The following FRAS1 variants were observed in gnomAD, a reference collection of about 807,000 sequenced individuals.
FRAS1 encodes the protein Fraser extracellular matrix complex subunit 1, also known as extracellular matrix organizing protein FRAS1.
FRAS1 carries 290 observed loss-of-function variants against 435.2 expected under a neutral mutation model. That is an observed-to-expected ratio of 0.67 (90% CI 0.61 to 0.73). The LOEUF is 0.73. Among genes scored for constraint, FRAS1 ranks in the 30% least tolerant of loss-of-function variants. The pLI is 0.00. For synonymous variants in FRAS1, 1,800 were observed against 1,851.0 expected, an observed-to-expected ratio of 0.97 and a Z score of 0.71; for missense variants, 4,860 against 5,001.5, an observed-to-expected ratio of 0.97 and a Z score of 0.85.
Position 78,540,664 on chromosome 4 carries a change from G to A in FRAS1, c.11579G>A (p.Gly3860Asp). Reference protein sequence around the residue: ...RNRRDLVEPDGQLILDDSLIY... With the variant: ...RNRRDLVEPDDQLILDDSLIY... ...CGAAGGGACCTGGTAGAGCCCGATGGCCAGCTGATCCTTGATGATTCCCTC... is the reference window on the plus strand; with the variant it reads ...CGAAGGGACCTGGTAGAGCCCGATGACCAGCTGATCCTTGATGATTCCCTC... The change falls in exon 74 of 74, where the codon GGC (glycine) becomes GAC (aspartate). Residue 3860 changes from glycine to aspartate, a missense_variant. Physicochemically the swap from Gly to Asp is moderately conservative, Grantham distance 94 (BLOSUM62 -1). Transcript: ENST00000512123. 9 of 1,612,652 alleles carry A rather than the reference G, an allele frequency of 5.6e-6. No individual in the cohort carries two copies. The highest frequency in any genetic ancestry group is 6.8e-6 in the Non-Finnish European group (8 of 1,179,118).
rs1038906030 is a variant in FRAS1 at position 78,223,740 on chromosome 4, A to G, written c.109-13770A>G. Among the ~76,000 whole-genome samples the G allele has an allele frequency of 2.6e-5, 4 of 152,154 alleles. No individual in the cohort carries two copies. The East Asian group carries it at 7.7e-4, about 29-fold the overall frequency. On this transcript the variant is annotated intron_variant, in intron 2 of 73. Coordinates refer to ENST00000512123, the MANE Select transcript of FRAS1 (RefSeq NM_025074.7). ...TCAGATAACTATTTCCAGGGCTGGC[A>G]TGTGTGATAAAGCCTATTTATTATC...
chr4:78,242,355 G>A (rs986530973), intron 3 of FRAS1, among the ~76,000 whole-genome samples: 3 of 152,192 alleles, frequency 2.0e-5, no homozygotes, highest in African/African-American at 7.2e-5. Context: ...TCAACAGCAT[G>A]TGTTGCTGTT....
At chr4:78,081,615 T>C (rs1334352521) in intron 2 of FRAS1, among the ~76,000 whole-genome samples, 1 of 152,104 alleles carries the variant, frequency 6.6e-6, no homozygotes, top group Non-Finnish European at 1.5e-5. Context: ...GGGCAATAAA[T>C]TGGCAAGAAC....
At chr4:78,502,846 T>C (rs1720724076) in intron 61 of FRAS1, among the ~76,000 whole-genome samples, 3 of 152,210 alleles carry the variant, frequency 2.0e-5, no homozygotes, top group African/African-American at 7.2e-5. Flanking sequence ...ATATTTGCTA[T>C]GGGTTTGTCA....
At chr4:78,146,779 A>G (rs565750360) in intron 2 of FRAS1, among the ~76,000 whole-genome samples, 4 of 152,308 alleles carry the variant, frequency 2.6e-5, no homozygotes, top group African/African-American at 9.6e-5. Flanking sequence ...TATTATGGCC[A>G]CATAAATATT....
chr4:78,427,512 T>C (rs4975060), intron 35 of FRAS1, among the ~76,000 whole-genome samples: 47,683 of 152,180 alleles, frequency 0.31, 8,112 homozygotes, highest in Non-Finnish European at 0.38. Context: ...TTATCTTAGA[T>C]TACAGAGACA....
chr4:78,156,183 G>A (rs1055917723), intron 2 of FRAS1, among the ~76,000 whole-genome samples: 1 of 152,182 alleles, frequency 6.6e-6, no homozygotes. Flanking sequence ...TTTTTGTAAG[G>A]TGGGACTAAA....
rs1272970130 is a variant in FRAS1 at position 78,268,065 on chromosome 4, TC to T, written c.981+635del. Reference sequence around the variant, plus strand: ...TGTTGGAGGGAAATGACTTTTTTTTTCCTCTTTGAACTTGATTTTGACCCAT... The same window carrying T: ...TGTTGGAGGGAAATGACTTTTTTTTTCTCTTTGAACTTGATTTTGACCCAT... On this transcript the variant is annotated intron_variant, in intron 9 of 73. Transcript: ENST00000512123. Among the ~76,000 whole-genome samples the T allele has an allele frequency of 4.6e-5, 7 of 152,182 alleles. 1 individual carries two copies. The South Asian group carries it at 8.3e-4, about 18-fold the overall frequency.
At chr4:78,333,682 C>A (rs1177732902) in intron 19 of FRAS1, among the ~76,000 whole-genome samples, 5 of 152,158 alleles carry the variant, frequency 3.3e-5, no homozygotes, top group African/African-American at 1.2e-4. Context: ...TTTTCTCTTG[C>A]CTGGAAGACA....
rs1227116551 is a variant in FRAS1 at position 78,372,842 on chromosome 4, C to A, written c.2994C>A (p.Asp998Glu). 1 of 1,612,708 alleles carries A rather than the reference C, an allele frequency of 6.2e-7. No individual in the cohort carries two copies. Among genetic ancestry groups the A allele is most frequent in the Non-Finnish European group, 8.5e-7 (1 of 1,179,666 alleles). ...VEQCLSSFYQ[D>E]SGLCKNCDSY... ...AGTGCTTGTCATCATTTTACCAGGA[C>A]TCGGGCCTCTGCAAGAGTAAGTGTG... The change falls in exon 24 of 74, where the codon GAC (aspartate) becomes GAA (glutamate). Residue 998 changes from aspartate to glutamate, a missense_variant. Transcript: ENST00000512123.
chr4:78,374,327 T>A, intron 25 of FRAS1, 76 bp downstream of exon 25: 1 of 1,374,264 alleles, frequency 7.3e-7, no homozygotes, highest in Non-Finnish European at 9.9e-7. Context: ...CTCTCAGGTA[T>A]CCAAGAATAC....
intron 4 of FRAS1, among the ~76,000 whole-genome samples, chr4:78,250,542 G>A (rs563751912): frequency 2.0e-5 from 3 of 152,172 alleles, no homozygotes; most frequent in Non-Finnish European, 4.4e-5. Flanking sequence ...CATATAAAAA[G>A]TGAAATTAGT....
intron 2 of FRAS1, among the ~76,000 whole-genome samples, chr4:78,177,660 T>A (rs528694301): frequency 6.6e-6 from 1 of 152,304 alleles, no homozygotes; most frequent in Admixed American, 6.5e-5. Flanking sequence ...CTACTTGAGA[T>A]TATGCTTCCA....
intron 6 of FRAS1, among the ~76,000 whole-genome samples, chr4:78,262,515 A>C (rs1726159492): frequency 1.3e-5 from 2 of 152,166 alleles, no homozygotes; most frequent in Admixed American, 6.5e-5. Flanking sequence ...TTAGGCTTGC[A>C]ATGGCAGGCC....
chr4:78,437,368 G>A (rs1270740362), intron 38 of FRAS1, among the ~76,000 whole-genome samples: 1 of 152,210 alleles, frequency 6.6e-6, no homozygotes, highest in East Asian at 1.9e-4. Context: ...TTAAGAAGCA[G>A]TCTTTTGGAG....
At chr4:78,230,498 T>TG (rs1178040329) in intron 2 of FRAS1, among the ~76,000 whole-genome samples, 1 of 152,186 alleles carries the variant, frequency 6.6e-6, no homozygotes, top group Non-Finnish European at 1.5e-5. Context: ...GAAGGGCACT[T>TG]GGGGAAAGAA....
intron 70 of FRAS1, among the ~76,000 whole-genome samples, chr4:78,532,929 T>A (rs56212709): frequency 6.6e-6 from 1 of 152,008 alleles, no homozygotes; most frequent in Middle Eastern, 3.2e-3. Flanking sequence ...TTGTGAATAA[T>A]GTTACAATGA....
chr4:78,195,254 A>G (rs1722748986), intron 2 of FRAS1, among the ~76,000 whole-genome samples: 1 of 152,204 alleles, frequency 6.6e-6, no homozygotes, highest in African/African-American at 2.4e-5. Flanking sequence ...GTCCGTTCTC[A>G]GATGTCCAGC....
chr4:78,395,914 G>T (rs1732639624), intron 29 of FRAS1, among the ~76,000 whole-genome samples: 1 of 151,810 alleles, frequency 6.6e-6, no homozygotes, highest in Admixed American at 6.6e-5. Flanking sequence ...CTGTTTTGTA[G>T]TTCCTGTCTT....
Sources: gnomAD v4.1 joint callset for allele counts (sites outside exome capture counted in the v4.1 genomes callset) on GRCh38, gnomAD v4.1.1 for gene constraint, MANE v1.5 for transcripts, NCBI Gene and HGNC (gene_info 2026-07-23, HGNC 2026-07-21) for gene names.